The following ZNF541 variants were observed in gnomAD, a reference collection of about 807,000 sequenced individuals.
ZNF541 encodes zinc finger protein 541.
A neutral mutation model predicts 123.5 loss-of-function variants in ZNF541; 23 were observed. That is an observed-to-expected ratio of 0.19 (90% CI 0.13 to 0.26). The LOEUF is 0.26. Ranked by LOEUF, ZNF541 falls within the 10% of genes least tolerant of loss-of-function variation. The pLI, the probability that ZNF541 is intolerant of heterozygous loss-of-function variation, is 1.00. For synonymous variants in ZNF541, 751 were observed against 754.5 expected, an observed-to-expected ratio of 1.00 and a Z score of 0.08; for missense variants, 1,612 against 1,789.9, an observed-to-expected ratio of 0.90 and a Z score of 1.79.
intron 5 of ZNF541, among the ~76,000 whole-genome samples, chr19:47,541,362 A>G (rs1970073110): frequency 6.6e-6 from 1 of 152,160 alleles, no homozygotes; most frequent in South Asian, 2.1e-4. Context: ...GGTTGCAGTG[A>G]GCCATGATCG....
chr19:47,554,809 G>C (rs545794428), intron 3 of ZNF541, among the ~76,000 whole-genome samples: 7 of 152,160 alleles, frequency 4.6e-5, no homozygotes, highest in Non-Finnish European at 1.0e-4. Context: ...ACTAAGAATT[G>C]GGGGCCGAGT....
At chr19:47,551,074 T>C (rs1312252776) in intron 3 of ZNF541, among the ~76,000 whole-genome samples, 6 of 149,874 alleles carry the variant, frequency 4.0e-5, no homozygotes, top group Admixed American at 2.7e-4. Flanking sequence ...TTTTTGAGAC[T>C]GAGTCTTACT....
At position 47,573,036 on chromosome 19, in the gene ZNF541, G is replaced by A. The variant is rs952700716; in HGVS notation, c.-246+47C>T. Among the ~76,000 whole-genome samples, 3 of 151,250 alleles carry A rather than the reference G, an allele frequency of 2.0e-5. No individual in the cohort carries two copies. In the East Asian group the frequency reaches 5.8e-4, roughly 29 times the overall value. On this transcript the variant is annotated intron_variant, in intron 1 of 16. Transcript: ENST00000391901. ...AAAAGAGGAAATAATAGTAATGGGG[G>A]ATAAGGAGGAAAGGGAGGGGCAGGG...
chr19:47,535,517 AGC>A (rs1459539505), intron 9 of ZNF541, among the ~76,000 whole-genome samples: 3 of 152,362 alleles, frequency 2.0e-5, no homozygotes, highest in Admixed American at 6.5e-5. Context: ...AAAGTGGCCC[AGC>A]CATTTTGGAA....
intron 2 of ZNF541, among the ~76,000 whole-genome samples, chr19:47,557,871 G>T (rs2914013): frequency 0.14 from 20,733 of 150,560 alleles, 2,550 homozygotes; most frequent in African/African-American, 0.34. Flanking sequence ...AAAAAGAGAT[G>T]ATGGTAACTT....
At position 47,545,503 on chromosome 19, in the gene ZNF541, C is replaced by T; in HGVS notation, c.1026G>A (p.Gln342=). The change falls in exon 5 of 17, where the codon CAG becomes CAA. Residue 342 remains glutamine, a synonymous_variant. Coordinates refer to ENST00000391901, the MANE Select transcript of ZNF541 (RefSeq NM_001277075.3). This position sits in a 1 kb window ranked among gnomAD's most constrained non-coding sequence, Gnocchi z 7.5. ...TGAACACGTCAGTGGCCGGCTCTTT[C>T]TGTGGGAGGCAAGGCTCCTCGGGAA... ...TELPEEPCLP[Q]KEPATDVFTA... is the part of the protein sequence containing the mutation. 1 of 1,498,968 alleles carries T rather than the reference C, an allele frequency of 6.7e-7. No homozygotes were observed. Among genetic ancestry groups the T allele is most frequent in the African/African-American group, 1.4e-5 (1 of 71,540 alleles). 92.9% of individuals were successfully genotyped at this position (1,498,968 alleles called of 1,614,324 possible). A position where few individuals can be genotyped will look rare whatever the true frequency, so the allele number is the denominator to read the frequency against.
intron 4 of ZNF541, among the ~76,000 whole-genome samples, chr19:47,547,873 C>T (rs1368144630): frequency 2.0e-5 from 3 of 151,442 alleles, no homozygotes; most frequent in Admixed American, 2.0e-4. Flanking sequence ...AATCCTGTCT[C>T]TACTAAAAAT....
intron 5 of ZNF541, among the ~76,000 whole-genome samples, chr19:47,541,365 C>A (rs1970073384): frequency 6.6e-6 from 1 of 151,972 alleles, no homozygotes; most frequent in South Asian, 2.1e-4. Flanking sequence ...TGCAGTGAGC[C>A]ATGATCGTAC....
chr19:47,529,660 A>G lies in ZNF541; in HGVS notation c.3406-8T>C, dbSNP rs1969471596. The G allele has an allele frequency of 1.3e-6, 2 of 1,551,386 alleles. No homozygotes were observed. The highest frequency in any genetic ancestry group is 2.4e-5 in the South Asian group (2 of 84,052). On this transcript the variant is annotated splice_region_variant and splice_polypyrimidine_tract_variant and intron_variant, in intron 12 of 16. Coordinates refer to ENST00000391901, the MANE Select transcript of ZNF541 (RefSeq NM_001277075.3). ...AAGAGTCTCCAGGGCGACCTGGAAC[A>G]AGAGGAGCGACAGGCTGCCCAGGAC... is the stretch of plus-strand genomic sequence containing the variant.
chr19:47,568,559 G>A (rs921521683), intron 2 of ZNF541, among the ~76,000 whole-genome samples: 1 of 152,118 alleles, frequency 6.6e-6, no homozygotes, highest in Non-Finnish European at 1.5e-5. Flanking sequence ...GGCCAGGCTG[G>A]CCTCGACCTC....
intron 2 of ZNF541, among the ~76,000 whole-genome samples, chr19:47,558,487 T>G (rs1213495147): frequency 6.6e-6 from 1 of 151,930 alleles, no homozygotes; most frequent in Non-Finnish European, 1.5e-5. Context: ...ATTAAAAAAT[T>G]AGATAACTTA....
At chr19:47,563,685 C>G (rs1384004809) in intron 2 of ZNF541, among the ~76,000 whole-genome samples, 1 of 152,162 alleles carries the variant, frequency 6.6e-6, no homozygotes, top group Non-Finnish European at 1.5e-5. Context: ...CGGCTCACTG[C>G]AACCTCTGCC....
chr19:47,535,614 T>C (rs926519240), intron 9 of ZNF541, among the ~76,000 whole-genome samples: 3 of 152,146 alleles, frequency 2.0e-5, no homozygotes, highest in Non-Finnish European at 2.9e-5. Flanking sequence ...CCAAGAGAGC[T>C]GAGAACATAA....
intron 14 of ZNF541, among the ~76,000 whole-genome samples, chr19:47,525,653 C>T (rs1179909236): frequency 2.0e-5 from 3 of 152,176 alleles, no homozygotes; most frequent in African/African-American, 4.8e-5. Flanking sequence ...GTGGCTCACG[C>T]CTGTAATCCC....
chr19:47,524,123 G>C (rs1969175642), intron 14 of ZNF541, among the ~76,000 whole-genome samples: 1 of 152,170 alleles, frequency 6.6e-6, no homozygotes, highest in Admixed American at 6.5e-5. Context: ...TTAGAGAAGA[G>C]CTATGCTGGT....
chr19:47,570,330 C>G (rs1352336284), intron 2 of ZNF541, among the ~76,000 whole-genome samples: 1 of 150,578 alleles, frequency 6.6e-6, no homozygotes, highest in Non-Finnish European at 1.5e-5. Flanking sequence ...GTAATCCCAG[C>G]ACTTTGGGAG....
chr19:47,540,122 C>T (rs1184272615), intron 7 of ZNF541, 54 bp downstream of exon 7: 3 of 1,520,958 alleles, frequency 2.0e-6, no homozygotes, highest in African/African-American at 2.8e-5. Context: ...GTTTACTCCC[C>T]ACAGGCCTGC....
intron 6 of ZNF541, 36 bp downstream of exon 6, chr19:47,540,857 C>A (rs1384631382): frequency 6.5e-7 from 1 of 1,546,146 alleles, no homozygotes; most frequent in Admixed American, 2.0e-5. Flanking sequence ...GGACTCCTGC[C>A]AGGGTGCATG....
chr19:47,569,507 A>G (rs1232420341), intron 2 of ZNF541, among the ~76,000 whole-genome samples: 2 of 152,048 alleles, frequency 1.3e-5, no homozygotes, highest in African/African-American at 4.8e-5. Context: ...TGCTTTTATC[A>G]CACACTTGAG....
Sources: allele counts gnomAD v4.1 joint callset (sites outside exome capture counted in the v4.1 genomes callset), GRCh38; gene constraint gnomAD v4.1.1; non-coding constraint Gnocchi (gnomAD v3.1); transcripts MANE v1.5; gene names NCBI Gene and HGNC (gene_info 2026-07-23, HGNC 2026-07-21).